Variants in GRAMD1B observed in about 807,000 individuals in gnomAD.
The protein encoded by GRAMD1B is protein Aster-B.
A neutral mutation model predicts 99.7 loss-of-function variants in GRAMD1B; 37 were observed. The ratio of observed to expected loss-of-function variants is 0.37; its 90% CI spans 0.29 to 0.49. The LOEUF (loss-of-function observed/expected upper bound fraction) is 0.49, where lower values mean the gene tolerates loss of function less well. GRAMD1B is among the 20% of genes least tolerant of loss of function. The pLI is 0.98. For synonymous variants in GRAMD1B, 427 were observed against 387.6 expected (o/e 1.10, Z -1.19); for missense variants, 888 against 1,009.2 (o/e 0.88, Z 1.63).
At chr11:123,457,512 T>G (rs1370589445) in intron 1 of GRAMD1B, among the ~76,000 whole-genome samples, 4 of 152,214 alleles carry the variant, frequency 2.6e-5, no homozygotes, top group Non-Finnish European at 5.9e-5. Flanking sequence ...GTCATGGGAC[T>G]TTTAAGGCTA....
intron 1 of GRAMD1B, among the ~76,000 whole-genome samples, chr11:123,400,627 AGGGAGCTCTCTG>A (rs1947627217): frequency 6.6e-6 from 1 of 152,068 alleles, no homozygotes; most frequent in Non-Finnish European, 1.5e-5. Context: ...AGAAGTGGTG[AGGGAGCTCTCTG>A]GGGTCTCTTT....
chr11:123,477,844 G>A (rs1252122679), intron 1 of GRAMD1B, among the ~76,000 whole-genome samples: 1 of 146,174 alleles, frequency 6.8e-6, no homozygotes, highest in Non-Finnish European at 1.5e-5. Context: ...GCGCGATCTC[G>A]CTCACTGCAA....
rs969001195 is a variant in GRAMD1B, at chr11:123,619,211, T to C, written c.2531T>C (p.Met844Thr). The change falls in exon 19 of 20, where the codon ATG becomes ACG. Residue 844 changes from methionine to threonine, a missense_variant. Met to Thr is a moderately conservative substitution (Grantham distance 81). Around this residue, in one of 5 missense-constraint regions of GRAMD1B, gnomAD observed 232 missense variants for 261.7 expected, o/e 0.89. Coordinates refer to ENST00000635736, the MANE Select transcript of GRAMD1B (RefSeq NM_001387025.1). Reference sequence around the variant, plus strand: ...AGGGAAATCATCAAATCCTCAGTGATGCTCCTTGACCAGGTGAGATGCCCC... The same window carrying C: ...AGGGAAATCATCAAATCCTCAGTGACGCTCCTTGACCAGGTGAGATGCCCC... ...KWREIIKSSV[M>T]LLDQMKDSLI... is the part of the protein sequence containing the mutation. The C allele has an allele frequency of 7.1e-6, 11 of 1,559,648 alleles. No individual in the cohort carries two copies. The highest frequency in any genetic ancestry group is 1.4e-5 in the African/African-American group (1 of 73,412).
chr11:123,388,741 T>C lies in GRAMD1B; in HGVS notation c.-176+29942T>C, dbSNP rs1386471504. ...AAGAAGAGGTCAGAGGGAGCTTTTT[T>C]GCCCCTTCTGCTGTGTGAGGACAGT... is the stretch of plus-strand genomic sequence containing the variant. On this transcript the variant is annotated intron_variant, in intron 1 of 20. Coordinates refer to the GRAMD1B transcript ENST00000638157. Among the ~76,000 whole-genome samples the C allele has an allele frequency of 2.0e-5, 3 of 152,076 alleles. No individual in the cohort carries two copies. The East Asian group carries it at 5.8e-4, about 29-fold the overall frequency.
chr11:123,605,224 T>C (rs1952552142), intron 9 of GRAMD1B, 98 bp from the exon 10 acceptor site: 3 of 789,838 alleles, frequency 3.8e-6, no homozygotes, highest in Non-Finnish European at 5.5e-6. Context: ...GCAGGAAATC[T>C]CATAGATATG....
At chr11:123,613,904 G>A (rs759717154) in intron 16 of GRAMD1B, among the ~76,000 whole-genome samples, 11 of 152,042 alleles carry the variant, frequency 7.2e-5, no homozygotes, top group Non-Finnish European at 1.3e-4. Context: ...TTATGCTTTC[G>A]TGTTGCCCTA....
intron 1 of GRAMD1B, among the ~76,000 whole-genome samples, chr11:123,403,823 C>T (rs1479032017): frequency 1.3e-5 from 2 of 152,036 alleles, no homozygotes; most frequent in African/African-American, 2.4e-5. Context: ...GGATTACAGA[C>T]GTGAGCCACC....
chr11:123,552,648 A>G (rs140684096), intron 2 of GRAMD1B, among the ~76,000 whole-genome samples: 2 of 152,360 alleles, frequency 1.3e-5, no homozygotes, highest in African/African-American at 4.8e-5. Context: ...GAAAGGTAAC[A>G]TGGGAGAATT....
intron 3 of GRAMD1B, among the ~76,000 whole-genome samples, chr11:123,581,618 A>C (rs886328744): frequency 1.3e-5 from 2 of 152,218 alleles, no homozygotes; most frequent in Non-Finnish European, 2.9e-5. Context: ...CAGTGGCAGC[A>C]GGTAAGAAGC....
At chr11:123,385,912 C>T (rs1245858515) in intron 1 of GRAMD1B, among the ~76,000 whole-genome samples, 1 of 152,080 alleles carries the variant, frequency 6.6e-6, no homozygotes, top group Non-Finnish European at 1.5e-5. Flanking sequence ...TCTATTGTTC[C>T]CTTCCCAGGC....
Position 123,560,830 on chromosome 11 carries a change from G to C in GRAMD1B, c.453-16537G>C, listed in dbSNP as rs147567508. 3.0e-3 allele frequency among the ~76,000 whole-genome samples: 450 copies of C among 151,586 alleles called. 2 individuals are homozygous for C. The highest frequency in any genetic ancestry group is 0.01 in the African/African-American group (428 of 41,302). ...GCTGTGGTGAAGACCTGTCTTTCTG[G>C]TTGTGTGCTTTTCTCATCTGACGCA... On this transcript the variant is annotated intron_variant, in intron 2 of 19. Coordinates refer to ENST00000635736, the MANE Select transcript of GRAMD1B (RefSeq NM_001387025.1).
chr11:123,617,169 C>CTTTTTTTTTTTTTTTTTTTTTTTTTTT (rs34788392), intron 17 of GRAMD1B, among the ~76,000 whole-genome samples: 1 of 133,684 alleles, frequency 7.5e-6, no homozygotes, highest in South Asian at 2.3e-4. Flanking sequence ...TCTTTCTTTC[C>CTTTTTTTTTTTTTTTTTTTTTTTTTTT]TTTTTTTTTT....
intron 1 of GRAMD1B, among the ~76,000 whole-genome samples, chr11:123,433,653 A>G (rs1400686992): frequency 6.8e-6 from 1 of 147,810 alleles, no homozygotes; most frequent in East Asian, 2.0e-4. Context: ...TGAGACCCCC[A>G]CCCCCAACGC....
chr11:123,603,532 A>T lies in GRAMD1B; in HGVS notation c.1157A>T (p.Asn386Ile). 1 of 1,606,910 alleles carries T rather than the reference A, an allele frequency of 6.2e-7. No homozygotes were observed. Among genetic ancestry groups the T allele is most frequent in the Non-Finnish European group, 8.5e-7 (1 of 1,173,376 alleles). The change falls in exon 9 of 20, where the codon AAC becomes ATC. Residue 386 changes from asparagine (N) to isoleucine (I), a missense_variant. Asn to Ile is a moderately radical substitution (Grantham distance 149, BLOSUM62 -3). Transcript: ENST00000635736. ...EDYVPPDDDF[N>I]TMGYCEEIPV... ...TACGTGCCCCCTGACGACGACTTCA[A>T]CACAATGGGGTGAGTGAGGCCAAGG...
chr11:123,535,010 A>G (rs1400148746), intron 2 of GRAMD1B, among the ~76,000 whole-genome samples: 3 of 152,196 alleles, frequency 2.0e-5, no homozygotes, highest in Non-Finnish European at 4.4e-5. Context: ...GTAGACGTTT[A>G]AGTGGCAAAA....
intron 2 of GRAMD1B, among the ~76,000 whole-genome samples, chr11:123,484,286 G>C (rs936632149): frequency 6.6e-6 from 1 of 152,184 alleles, no homozygotes; most frequent in Non-Finnish European, 1.5e-5. Flanking sequence ...TCCTGGAAGA[G>C]ATGAGTAGTG....
chr11:123,423,395 G>A lies in GRAMD1B; in HGVS notation c.-175-57421G>A, dbSNP rs181897518. Among the ~76,000 whole-genome samples the A allele has an allele frequency of 7.6e-3, 1,152 of 151,844 alleles. 7 individuals are homozygous for A. The highest frequency in any genetic ancestry group is 0.014 in the Middle Eastern group (4 of 294). On this transcript the variant is annotated intron_variant, in intron 1 of 20. Transcript: ENST00000638157. ...CCTTTTGCTCCCACTCCAACCACAA[G>A]TAACTTTTCACAGTCTAACTCTAGG...
At chr11:123,569,252 G>A (rs2056317924) in intron 2 of GRAMD1B, among the ~76,000 whole-genome samples, 1 of 152,190 alleles carries the variant, frequency 6.6e-6, no homozygotes, top group African/African-American at 2.4e-5. Context: ...AAGGAGCTGA[G>A]ACCAGGAACT....
At chr11:123,450,026 AG>A (rs1437814086) in intron 1 of GRAMD1B, among the ~76,000 whole-genome samples, 16 of 152,206 alleles carry the variant, frequency 1.1e-4, no homozygotes, top group African/African-American at 3.6e-4. Context: ...CCTGAACCAG[AG>A]ACTGCCGTTC....
Sources: gnomAD v4.1 joint callset for allele counts (sites outside exome capture counted in the v4.1 genomes callset) on GRCh38, gnomAD v4.1.1 for gene constraint, gnomAD v4.1.1 regional missense constraint, MANE v1.5 for transcripts, NCBI Gene and HGNC (gene_info 2026-07-23, HGNC 2026-07-21) for gene names.